Variants in PTPN21 observed in about 807,000 individuals in gnomAD.
The protein encoded by PTPN21 is tyrosine-protein phosphatase non-receptor type 21.
A neutral mutation model predicts 131.8 loss-of-function variants in PTPN21; 77 were observed. The observed-to-expected ratio is 0.58, with a 90% CI of 0.49 to 0.71. The LOEUF is 0.71. Ranked by LOEUF, PTPN21 falls within the 30% of genes least tolerant of loss-of-function variation. The pLI, the probability that PTPN21 is intolerant of heterozygous loss-of-function variation, is 0.00. For missense variants in PTPN21, 1,552 were observed against 1,527.1 expected, an observed-to-expected ratio of 1.02 and a Z score of -0.27; for synonymous variants, 715 against 621.3, an observed-to-expected ratio of 1.15 and a Z score of -2.24.
rs1180616408 is a variant in PTPN21 at position 88,468,056 on chromosome 14, G to C, written c.*81C>G. Reference sequence around the variant, plus strand: ...ACGCTGCGTGGATCAAGTGTCAACGGGAAAGTATGAGTTAGGCAAGCGCTT... The same window carrying C: ...ACGCTGCGTGGATCAAGTGTCAACGCGAAAGTATGAGTTAGGCAAGCGCTT... On this transcript the variant is annotated 3_prime_UTR_variant, in exon 19 of 19. Transcript: ENST00000556564. 6.6e-7 allele frequency: 1 copy of C among 1,523,104 alleles called. No individual in the cohort carries two copies. The highest frequency in any genetic ancestry group is 1.2e-5 in the South Asian group (1 of 86,582). 94.3% of individuals were successfully genotyped at this position (1,523,104 alleles called of 1,614,324 possible).
At chr14:88,521,368 T>C (rs2078389148) in intron 2 of PTPN21, among the ~76,000 whole-genome samples, 1 of 152,144 alleles carries the variant, frequency 6.6e-6, no homozygotes, top group Non-Finnish European at 1.5e-5. Context: ...TTAGGAATCC[T>C]TTAGGATCTA....
At chr14:88,541,078 C>T (rs2078698681) in intron 2 of PTPN21, among the ~76,000 whole-genome samples, 1 of 152,188 alleles carries the variant, frequency 6.6e-6, no homozygotes. Context: ...CAAAACTACT[C>T]TGCCCCATAT....
At chr14:88,541,316 A>G (rs2078702352) in intron 2 of PTPN21, among the ~76,000 whole-genome samples, 1 of 152,238 alleles carries the variant, frequency 6.6e-6, no homozygotes, top group African/African-American at 2.4e-5. Flanking sequence ...TCTAAGTGAC[A>G]TTTGTTTATG....
At chr14:88,497,598 TCTCTACTAAAAATACAAAAAA>T (rs1366256067) in intron 8 of PTPN21, among the ~76,000 whole-genome samples, 1 of 150,536 alleles carries the variant, frequency 6.6e-6, no homozygotes, top group Admixed American at 6.6e-5. Context: ...TGAAACCCCG[TCTCTACTAAAAATACAAAAAA>T]AAAGAAAAAA....
chr14:88,470,803 G>A (rs1484107321), intron 15 of PTPN21, among the ~76,000 whole-genome samples: 1 of 152,202 alleles, frequency 6.6e-6, no homozygotes, highest in Non-Finnish European at 1.5e-5. Flanking sequence ...TAAACACTAG[G>A]GAGGAGGAGG....
At chr14:88,480,917 G>A in intron 12 of PTPN21, among the ~76,000 whole-genome samples, 1 of 152,178 alleles carries the variant, frequency 6.6e-6, no homozygotes. Context: ...AAGCCAAGAG[G>A]AGCCACATTA....
intron 2 of PTPN21, among the ~76,000 whole-genome samples, chr14:88,524,490 C>T (rs1566843510): frequency 6.6e-6 from 1 of 151,972 alleles, no homozygotes. Flanking sequence ...AGAAGCGACC[C>T]GTAAAATAGT....
intron 13 of PTPN21, chr14:88,474,022 A>C (rs1173361048): frequency 1.2e-5 from 5 of 410,360 alleles, no homozygotes; most frequent in Admixed American, 4.6e-5. Context: ...TCCAGATAGA[A>C]GGTTTTGAAA....
At chr14:88,518,301 CATATAT>C (rs1566839710) in intron 2 of PTPN21, among the ~76,000 whole-genome samples, 1 of 90,108 alleles carries the variant, frequency 1.1e-5, no homozygotes, top group Non-Finnish European at 2.1e-5. Flanking sequence ...CACACACACA[CATATAT>C]GTGTATATAT....
chr14:88,545,995 TAAA>T (rs991650692), intron 2 of PTPN21, among the ~76,000 whole-genome samples: 1 of 77,852 alleles, frequency 1.3e-5, no homozygotes, highest in African/African-American at 4.9e-5. Flanking sequence ...CTGTCTCAAA[TAAA>T]AAAAAAAAAA....
chr14:88,518,573 G>A (rs974891924), intron 2 of PTPN21, among the ~76,000 whole-genome samples: 1 of 147,968 alleles, frequency 6.8e-6, no homozygotes, highest in Non-Finnish European at 1.5e-5. Flanking sequence ...CAAGATTATA[G>A]CATGCACCAC....
intron 3 of PTPN21, chr14:88,513,612 G>T: frequency 6.6e-6 from 1 of 152,312 alleles, no homozygotes. Context: ...CAAAGTGTTT[G>T]CTCGCTCTGC....
chr14:88,470,310 G>C, intron 15 of PTPN21: 2 of 461,662 alleles, frequency 4.3e-6, no homozygotes, highest in Non-Finnish European at 7.8e-6. Context: ...CTTGCTGAAT[G>C]TCAGTTCTCA....
At chr14:88,505,184 T>G (rs528161056) in intron 5 of PTPN21, 120 bp downstream of exon 5, 2 of 837,172 alleles carry the variant, frequency 2.4e-6, no homozygotes, top group African/African-American at 3.4e-5. Context: ...AAGAGGGAAT[T>G]TTTTTTTATA....
rs564907805 is a variant in PTPN21, at chr14:88,523,057, G to A, written c.181-5796C>T. Among the ~76,000 whole-genome samples the A allele has an allele frequency of 4.6e-5, 7 of 151,896 alleles. No individual in the cohort carries two copies. The South Asian group carries it at 1.0e-3, about 23-fold the overall frequency. ...AACAAACAAGGTGGGGAGTGAGCAC[G>A]AAAATCAAGGAAAAGGAGAGAATAC... On this transcript the variant is annotated intron_variant, in intron 2 of 18. Transcript: ENST00000556564.
chr14:88,486,038 C>A (rs1381877011), intron 10 of PTPN21, among the ~76,000 whole-genome samples, 196 bp from the exon 11 acceptor site: 1 of 152,080 alleles, frequency 6.6e-6, no homozygotes, highest in African/African-American at 2.4e-5. Context: ...GCTGCCCCAA[C>A]CCGTCAACCT....
chr14:88,479,866 G>A lies in PTPN21; in HGVS notation c.1565C>T (p.Ser522Phe). Residue 522 changes from serine to phenylalanine, a missense_variant, in exon 13 of 19, where the codon TCT (serine) becomes TTT (phenylalanine). Physicochemically the swap from Ser to Phe is radical, Grantham distance 155 (BLOSUM62 -2). Around this residue, in one of 4 missense-constraint regions of PTPN21, gnomAD observed 1,016 missense variants for 883.5 expected, o/e 1.15. Transcript: ENST00000556564. ...FSLSYSFHSP[S>F]PYPYPAERRP... is the part of the protein sequence containing the mutation. ...CCGCTCGGCAGGGTAGGGGTAGGGA[G>A]ACGGGCTGTGGAAGCTGTAGCTCAG... 6.4e-7 allele frequency: 1 copy of A among 1,574,594 alleles called. No homozygotes were observed.
intron 2 of PTPN21, among the ~76,000 whole-genome samples, chr14:88,518,564 A>T (rs1442803166): frequency 6.8e-6 from 1 of 146,758 alleles, no homozygotes; most frequent in African/African-American, 2.5e-5. Flanking sequence ...CAGAGTAGCC[A>T]AGATTATAGC....
At chr14:88,542,601 C>T (rs1447918378) in intron 2 of PTPN21, among the ~76,000 whole-genome samples, 4 of 152,092 alleles carry the variant, frequency 2.6e-5, no homozygotes, top group African/African-American at 9.7e-5. Flanking sequence ...TTCAAATAAA[C>T]AGGTTTCCAA....
Sources: allele counts gnomAD v4.1 joint callset (sites outside exome capture counted in the v4.1 genomes callset), GRCh38; gene constraint gnomAD v4.1.1; regional missense constraint gnomAD v4.1.1; transcripts MANE v1.5; gene names NCBI Gene and HGNC (gene_info 2026-07-23, HGNC 2026-07-21).